Variants in NFU1 observed in about 807,000 individuals in gnomAD.
The protein encoded by NFU1 is NFU1 iron-sulfur cluster scaffold homolog, mitochondrial.
NFU1 carries 30 observed loss-of-function variants against 32.2 expected under a neutral mutation model. That is an observed-to-expected ratio of 0.93 (90% CI 0.70 to 1.26). The LOEUF (loss-of-function observed/expected upper bound fraction) is 1.26. Ranked by LOEUF, NFU1 falls within the 50% of genes most tolerant of loss-of-function variation. The pLI is 0.00. For missense variants in NFU1, 306 were observed against 306.6 expected (o/e 1.00, Z 0.02); for synonymous variants, 112 against 104.6 (o/e 1.07, Z -0.43).
intron 7 of NFU1, among the ~76,000 whole-genome samples, chr2:69,396,802 G>A (rs1405278819): frequency 6.6e-6 from 1 of 152,148 alleles, no homozygotes; most frequent in Admixed American, 6.5e-5. Context: ...GCCAGGCGCG[G>A]TGGCTCACGC....
chr2:69,437,624 T>C, upstream of NFU1: 1 of 677,474 alleles, frequency 1.5e-6, no homozygotes, highest in Non-Finnish European at 2.6e-6. Context: ...CGGGGAACCT[T>C]TCCCGTTTGC....
At chr2:69,431,545 G>A (rs1016569304) in intron 2 of NFU1, among the ~76,000 whole-genome samples, 17 of 152,118 alleles carry the variant, frequency 1.1e-4, no homozygotes, top group South Asian at 2.1e-4. Context: ...GGGCTCAAGC[G>A]ATCAACCTGC....
intron 5 of NFU1, among the ~76,000 whole-genome samples, chr2:69,406,334 T>C (rs1325803723): frequency 6.6e-6 from 1 of 152,166 alleles, no homozygotes; most frequent in Admixed American, 6.6e-5. Flanking sequence ...CTAAAACATC[T>C]TGATATGCTA....
chr2:69,419,901 T>TG (rs1166173527), intron 3 of NFU1, among the ~76,000 whole-genome samples: 1 of 152,220 alleles, frequency 6.6e-6, no homozygotes, highest in Non-Finnish European at 1.5e-5. Context: ...GTCCATCACC[T>TG]GGTGAATGAA....
At chr2:69,437,127 G>A (rs1386348155) in intron 1 of NFU1, 1 of 838,760 alleles carries the variant, frequency 1.2e-6, no homozygotes, top group Admixed American at 3.0e-5. Context: ...CAAGAACTGG[G>A]TCTCTGAGCC....
At chr2:69,408,124 T>TC (rs1436960822) in intron 5 of NFU1, among the ~76,000 whole-genome samples, 1 of 152,120 alleles carries the variant, frequency 6.6e-6, no homozygotes, top group East Asian at 1.9e-4. Flanking sequence ...TTCCCCACCA[T>TC]CCCTTCCATA....
At chr2:69,399,763 C>G (rs1431264603) in intron 7 of NFU1, among the ~76,000 whole-genome samples, 1 of 152,120 alleles carries the variant, frequency 6.6e-6, no homozygotes, top group Non-Finnish European at 1.5e-5. Context: ...CCCTCTGAGT[C>G]TCTGTAGCCT....
At chr2:69,411,647 T>G (rs1211557733) in intron 5 of NFU1, among the ~76,000 whole-genome samples, 1 of 152,078 alleles carries the variant, frequency 6.6e-6, no homozygotes, top group African/African-American at 2.4e-5. Context: ...AGATGGAGTG[T>G]GGTGGCGTGA....
chr2:69,419,512 C>A, intron 4 of NFU1, 26 bp downstream of exon 4: 1 of 1,320,826 alleles, frequency 7.6e-7, no homozygotes. Flanking sequence ...TATTTCAAGT[C>A]TTATTTTATA....
Position 69,419,607 on chromosome 2 carries a change from G to A in NFU1, c.303-3C>T. 6.4e-7 allele frequency: 1 copy of A among 1,551,780 alleles called. No individual in the cohort carries two copies. Among genetic ancestry groups the A allele is most frequent in the Non-Finnish European group, 8.9e-7 (1 of 1,128,006 alleles). On this transcript the variant is annotated splice_polypyrimidine_tract_variant and splice_region_variant and intron_variant, in intron 3 of 7. Transcript: ENST00000410022. ...CTCCTTCAATCCTAAATAACTGCCTGCAAAAAAAGAAAAAATAAGAGATAT... is the reference window on the plus strand; with the variant it reads ...CTCCTTCAATCCTAAATAACTGCCTACAAAAAAAGAAAAAATAAGAGATAT...
At chr2:69,410,494 C>T (rs760015724) in intron 5 of NFU1, among the ~76,000 whole-genome samples, 1 of 152,210 alleles carries the variant, frequency 6.6e-6, no homozygotes, top group Non-Finnish European at 1.5e-5. Flanking sequence ...CCACTTACTA[C>T]CTGTGTGACC....
intron 7 of NFU1, among the ~76,000 whole-genome samples, chr2:69,397,990 C>T (rs1158311860): frequency 6.6e-6 from 1 of 151,290 alleles, no homozygotes. Flanking sequence ...CTTTCATAGG[C>T]TGTCTTTTTG....
At chr2:69,403,671 C>G (rs1482531594) in intron 6 of NFU1, among the ~76,000 whole-genome samples, 2 of 151,506 alleles carry the variant, frequency 1.3e-5, no homozygotes, top group Admixed American at 1.3e-4. Context: ...GGTGTGAGCA[C>G]CGTGCCCACC....
intron 5 of NFU1, among the ~76,000 whole-genome samples, chr2:69,406,786 G>T (rs970141730): frequency 6.6e-6 from 1 of 152,028 alleles, no homozygotes; most frequent in Non-Finnish European, 1.5e-5. Context: ...TGCTGATATG[G>T]TTTGGCTGTG....
intron 5 of NFU1, among the ~76,000 whole-genome samples, chr2:69,406,315 A>G (rs1350500918): frequency 6.6e-6 from 1 of 152,240 alleles, no homozygotes; most frequent in Admixed American, 6.5e-5. Flanking sequence ...GGTGATAAAG[A>G]TGAGTACACT....
rs1314896233 is a variant in NFU1, at chr2:69,424,190, AAAAAAAAAAT to A, written c.167-483_167-474del. On this transcript the variant is annotated intron_variant, in intron 2 of 7. Coordinates refer to ENST00000410022, the MANE Select transcript of NFU1 (RefSeq NM_001002755.4). ...TGTCTCAAAAAAAAAAAAAAAAAAAAAAAAAAAAATATATATATATATATATATATCTCAA... is the reference window on the plus strand; with the variant it reads ...TGTCTCAAAAAAAAAAAAAAAAAAAAATATATATATATATATATATCTCAA... 8.1e-5 allele frequency among the ~76,000 whole-genome samples: 11 copies of A among 135,884 alleles called. No homozygotes were observed. The East Asian group carries it at 1.4e-3, about 17-fold the overall frequency. 89.1% of individuals were successfully genotyped at this position (135,884 alleles called of 152,430 possible). A position where few individuals can be genotyped will look rare whatever the true frequency, so the allele number is the denominator to read the frequency against.
intron 2 of NFU1, among the ~76,000 whole-genome samples, 165 bp from the exon 3 acceptor site, chr2:69,423,882 T>G (rs1673352073): frequency 6.6e-6 from 1 of 151,924 alleles, no homozygotes; most frequent in African/African-American, 2.4e-5. Flanking sequence ...GAAAGAAATA[T>G]ATCACCATAG....
chr2:69,420,034 C>G (rs1673188293), intron 3 of NFU1, among the ~76,000 whole-genome samples: 2 of 151,438 alleles, frequency 1.3e-5, no homozygotes, highest in Admixed American at 1.3e-4. Flanking sequence ...GAGACGGAGT[C>G]ACCCTCTGTC....
chr2:69,398,833 A>G (rs1290900842), intron 7 of NFU1, among the ~76,000 whole-genome samples: 1 of 152,126 alleles, frequency 6.6e-6, no homozygotes, highest in African/African-American at 2.4e-5. Flanking sequence ...GGATAGGTCT[A>G]TATAGACCTG....
Sources: allele counts gnomAD v4.1 joint callset (sites outside exome capture counted in the v4.1 genomes callset), GRCh38; gene constraint gnomAD v4.1.1; transcripts MANE v1.5; gene names NCBI Gene and HGNC (gene_info 2026-07-23, HGNC 2026-07-21).